The following LRP12 variants were observed in gnomAD, a reference collection of about 807,000 sequenced individuals.
The protein encoded by LRP12 is low-density lipoprotein receptor-related protein 12.
In LRP12, 14 loss-of-function variants were observed where a neutral mutation model predicts 66.0. The ratio of observed to expected loss-of-function variants is 0.21; its 90% CI spans 0.14 to 0.33. The LOEUF is 0.33. Ranked by LOEUF, LRP12 falls within the 10% of genes least tolerant of loss-of-function variation. LRP12 has a pLI of 1.00. For synonymous variants in LRP12, 357 were observed against 359.1 expected, an observed-to-expected ratio of 0.99 and a Z score of 0.07; for missense variants, 889 against 1,053.4, an observed-to-expected ratio of 0.84 and a Z score of 2.16.
chr8:104,550,809 G>C (rs998733621), intron 1 of LRP12, among the ~76,000 whole-genome samples: 2 of 152,144 alleles, frequency 1.3e-5, no homozygotes, highest in African/African-American at 4.8e-5. Flanking sequence ...AATATTTGCT[G>C]AATGTATAAA....
At chr8:104,576,125 G>C (rs1254490439) in intron 1 of LRP12, among the ~76,000 whole-genome samples, 1 of 152,156 alleles carries the variant, frequency 6.6e-6, no homozygotes, top group Non-Finnish European at 1.5e-5. Context: ...ATTATGTAAA[G>C]AGATCAAATC....
intron 3 of LRP12, among the ~76,000 whole-genome samples, chr8:104,503,313 C>A (rs1031396934): frequency 9.7e-6 from 1 of 102,934 alleles, no homozygotes. Context: ...GGTGACAAAG[C>A]GAGACTGTGT....
At chr8:104,559,022 G>C (rs1375571760) in intron 1 of LRP12, among the ~76,000 whole-genome samples, 2 of 152,086 alleles carry the variant, frequency 1.3e-5, no homozygotes, top group Non-Finnish European at 2.9e-5. Flanking sequence ...ATGTAAACTA[G>C]TACAAGCACT....
At chr8:104,511,665 C>T (rs1810999241) in intron 2 of LRP12, among the ~76,000 whole-genome samples, 1 of 152,058 alleles carries the variant, frequency 6.6e-6, no homozygotes, top group South Asian at 2.1e-4. Flanking sequence ...AAAGTCAATC[C>T]TTATTTCTAT....
chr8:104,518,240 A>G (rs1811099092), intron 2 of LRP12, among the ~76,000 whole-genome samples: 1 of 152,076 alleles, frequency 6.6e-6, no homozygotes, highest in African/African-American at 2.4e-5. Context: ...AAATTACCTA[A>G]CACTTATTGA....
chr8:104,497,899 TTG>T lies in LRP12; in HGVS notation c.651_652del (p.Tyr217Ter). 1.9e-6 allele frequency: 3 copies of T among 1,614,178 alleles called. No homozygotes were observed. Among genetic ancestry groups the T allele is most frequent in the Non-Finnish European group, 2.5e-6 (3 of 1,180,030 alleles). On this transcript the variant is annotated stop_gained and frameshift_variant, in exon 5 of 7. Transcript: ENST00000276654. LOFTEE classifies it high-confidence loss of function. This position sits in a 1 kb window ranked among gnomAD's most constrained non-coding sequence, Gnocchi z 4.3. ...AAAACGGGATAAACACTGGAACTGG[TTG>T]TAAGCACAGGGTTGAAAAGCAGCAG... is the stretch of plus-strand genomic sequence containing the variant.
chr8:104,503,978 T>A (rs1810868845), intron 3 of LRP12, among the ~76,000 whole-genome samples: 1 of 152,138 alleles, frequency 6.6e-6, no homozygotes, highest in African/African-American at 2.4e-5. Flanking sequence ...TTAAGGAAAT[T>A]CCTTTTCTAT....
At chr8:104,491,990 G>A (rs1256285177) in intron 6 of LRP12, among the ~76,000 whole-genome samples, 17 of 149,740 alleles carry the variant, frequency 1.1e-4, no homozygotes, top group Non-Finnish European at 2.2e-4. Flanking sequence ...TTTTTTTAAA[G>A]AACAAATTAG....
At chr8:104,558,020 G>A (rs1005873975) in intron 1 of LRP12, among the ~76,000 whole-genome samples, 1 of 152,084 alleles carries the variant, frequency 6.6e-6, no homozygotes, top group Non-Finnish European at 1.5e-5. Context: ...GACCAGCCTG[G>A]CCAACATGGT....
At chr8:104,565,730 G>T (rs1411778083) in intron 1 of LRP12, among the ~76,000 whole-genome samples, 1 of 151,546 alleles carries the variant, frequency 6.6e-6, no homozygotes, top group Non-Finnish European at 1.5e-5. Context: ...GTGTGGTGGT[G>T]GGCGCCTGTA....
At chr8:104,547,547 TA>T (rs1326660939) in intron 1 of LRP12, among the ~76,000 whole-genome samples, 4 of 128,484 alleles carry the variant, frequency 3.1e-5, no homozygotes, top group Non-Finnish European at 6.2e-5. Context: ...ATATAATATA[TA>T]ATTACATATT....
chr8:104,568,377 T>G (rs1174417348), intron 1 of LRP12, among the ~76,000 whole-genome samples: 1 of 152,186 alleles, frequency 6.6e-6, no homozygotes, highest in African/African-American at 2.4e-5. Context: ...GCAAATGGAT[T>G]CTTAGATATA....
At chr8:104,534,165 T>G (rs554069262) in intron 1 of LRP12, among the ~76,000 whole-genome samples, 1 of 152,022 alleles carries the variant, frequency 6.6e-6, no homozygotes, top group African/African-American at 2.4e-5. Flanking sequence ...TAATTATATA[T>G]GTACTAACTT....
At chr8:104,588,375 G>A (rs569714814) in intron 1 of LRP12, among the ~76,000 whole-genome samples, 1 of 152,180 alleles carries the variant, frequency 6.6e-6, no homozygotes, top group Admixed American at 6.5e-5. Flanking sequence ...TCTCGCCGGT[G>A]AGAGAACTTC....
At chr8:104,500,559 C>T (rs1810811419) in intron 3 of LRP12, among the ~76,000 whole-genome samples, 1 of 152,074 alleles carries the variant, frequency 6.6e-6, no homozygotes, top group Non-Finnish European at 1.5e-5. Context: ...AAAAATTAGC[C>T]GGGCATGATG....
chr8:104,546,181 T>C (rs73295157), intron 1 of LRP12, among the ~76,000 whole-genome samples: 2,567 of 152,232 alleles, frequency 0.017, 71 homozygotes, highest in African/African-American at 0.058. Flanking sequence ...TCAACTCTAT[T>C]TTATTAACAG....
intron 2 of LRP12, among the ~76,000 whole-genome samples, chr8:104,525,948 A>C (rs1436292647): frequency 2.6e-5 from 4 of 152,348 alleles, no homozygotes; most frequent in South Asian, 2.1e-4. Context: ...GTCTCAGCCC[A>C]AAATCTCCTT....
chr8:104,560,118 G>T (rs1811881416), intron 1 of LRP12, among the ~76,000 whole-genome samples: 1 of 151,886 alleles, frequency 6.6e-6, no homozygotes, highest in African/African-American at 2.4e-5. Context: ...AATATTTATG[G>T]GTCTCATTTG....
Position 104,495,170 on chromosome 8 carries a change from C to G in LRP12, c.1620G>C (p.Leu540Phe). The change falls in exon 6 of 7, where the codon TTG becomes TTC. Residue 540 changes from leucine to phenylalanine, a missense_variant. Physicochemically the swap from Leu to Phe is conservative, Grantham distance 22. This residue lies in a region of LRP12 where 800 missense variants were observed against 964.5 expected (regional missense o/e 0.83). Transcript: ENST00000276654. ...ETQLSRVEAE[L>F]LRREAPPSYG... ...ACGAGGGAGGAGCTTCTCTTCTTAA[C>G]AATTCTGCTTCCACTCTTGACAACT... is the stretch of plus-strand genomic sequence containing the variant. The G allele has an allele frequency of 2.5e-6, 4 of 1,613,774 alleles. No individual in the cohort carries two copies. Among genetic ancestry groups the G allele is most frequent in the Non-Finnish European group, 3.4e-6 (4 of 1,179,804 alleles).
Sources: allele counts gnomAD v4.1 joint callset (sites outside exome capture counted in the v4.1 genomes callset), GRCh38; gene constraint gnomAD v4.1.1; regional missense constraint gnomAD v4.1.1; non-coding constraint Gnocchi (gnomAD v3.1); transcripts MANE v1.5; gene names NCBI Gene and HGNC (gene_info 2026-07-23, HGNC 2026-07-21).